MACROD2: variants seen among roughly 807,000 people sequenced by gnomAD.
MACROD2 encodes the protein mono-ADP ribosylhydrolase 2.
Under a neutral mutation model 70.4 loss-of-function variants are expected in MACROD2, and 36 were observed. That is an observed-to-expected ratio of 0.51 (90% confidence interval 0.39 to 0.68). MACROD2 has a LOEUF of 0.68. Among genes scored for constraint, MACROD2 ranks in the 30% least tolerant of loss-of-function variants. The pLI is 0.00. For synonymous variants in MACROD2, 172 were observed against 178.8 expected (o/e 0.96, Z 0.30); for missense variants, 496 against 538.4 (o/e 0.92, Z 0.78).
rs6043180 is a variant in MACROD2 at position 15,297,463 on chromosome 20, A to C, written c.540+67402A>C. ...AAAATCAATAGAGAATTTACTAGCAAAGAGGGCCATACTGGAATGATTTGG... is the reference window on the plus strand; with the variant it reads ...AAAATCAATAGAGAATTTACTAGCACAGAGGGCCATACTGGAATGATTTGG... On this transcript the variant is annotated intron_variant, in intron 6 of 17. Coordinates refer to ENST00000684519, the MANE Select transcript of MACROD2 (RefSeq NM_001351661.2). 2.0e-5 allele frequency among the ~76,000 whole-genome samples: 3 copies of C among 152,090 alleles called. No homozygotes were observed. In the East Asian group the frequency reaches 5.8e-4, roughly 29 times the overall value.
chr20:15,996,613 A>G (rs2066635849), intron 15 of MACROD2, among the ~76,000 whole-genome samples: 2 of 152,142 alleles, frequency 1.3e-5, no homozygotes, highest in African/African-American at 2.4e-5. Context: ...ACCCCTTATC[A>G]TATAAATGGT....
At chr20:15,544,042 G>A (rs2047993467) in intron 8 of MACROD2, among the ~76,000 whole-genome samples, 1 of 152,198 alleles carries the variant, frequency 6.6e-6, no homozygotes, top group Non-Finnish European at 1.5e-5. Context: ...ACACTGTGGG[G>A]AAGTACAGTA....
At chr20:15,386,351 A>C (rs560478994) in intron 6 of MACROD2, among the ~76,000 whole-genome samples, 1 of 152,308 alleles carries the variant, frequency 6.6e-6, no homozygotes, top group South Asian at 2.1e-4. Context: ...TCTGACTTTT[A>C]AAGTTGGGAG....
chr20:15,780,831 A>G (rs1164628693), intron 8 of MACROD2, among the ~76,000 whole-genome samples: 1 of 152,116 alleles, frequency 6.6e-6, no homozygotes, highest in Non-Finnish European at 1.5e-5. Context: ...TGAGGGATTC[A>G]GGACTATGTG....
At chr20:14,020,431 C>T (rs2148623683) in intron 2 of MACROD2, among the ~76,000 whole-genome samples, 1 of 152,300 alleles carries the variant, frequency 6.6e-6, no homozygotes, top group South Asian at 2.1e-4. Flanking sequence ...CGAGATCGCA[C>T]CCTTGCACTC....
intron 3 of MACROD2, among the ~76,000 whole-genome samples, chr20:14,155,488 T>A (rs1159856195): frequency 6.6e-6 from 1 of 152,208 alleles, no homozygotes; most frequent in Non-Finnish European, 1.5e-5. Context: ...TTTCAAAACT[T>A]ACTTTTTTGC....
Position 14,539,469 on chromosome 20 carries a change from G to T in MACROD2, c.301+45961G>T, listed in dbSNP as rs1016068921. 3.9e-5 allele frequency among the ~76,000 whole-genome samples: 6 copies of T among 152,146 alleles called. 1 individual carries two copies. Among genetic ancestry groups the T allele is most frequent in the African/African-American group, 1.2e-4 (5 of 41,424 alleles). On this transcript the variant is annotated intron_variant, in intron 4 of 17. Coordinates refer to ENST00000684519, the MANE Select transcript of MACROD2 (RefSeq NM_001351661.2). ...TTGGGGGAGTGAGGGAAGGACCTGTGTGAAAAGGATTGGATTTGACCATTT... is the reference window on the plus strand; with the variant it reads ...TTGGGGGAGTGAGGGAAGGACCTGTTTGAAAAGGATTGGATTTGACCATTT...
At chr20:14,987,653 T>C (rs2074861580) in intron 5 of MACROD2, among the ~76,000 whole-genome samples, 1 of 152,174 alleles carries the variant, frequency 6.6e-6, no homozygotes, top group South Asian at 2.1e-4. Context: ...GAATATGTTA[T>C]AAAGGAACAA....
At chr20:15,443,853 A>G (rs1300373213) in intron 7 of MACROD2, among the ~76,000 whole-genome samples, 1 of 152,196 alleles carries the variant, frequency 6.6e-6, no homozygotes, top group Non-Finnish European at 1.5e-5. Flanking sequence ...TGAGTCTATG[A>G]CACCCTGGTT....
At chr20:15,865,878 A>T (rs1334134895) in intron 9 of MACROD2, among the ~76,000 whole-genome samples, 1 of 152,134 alleles carries the variant, frequency 6.6e-6, no homozygotes, top group Non-Finnish European at 1.5e-5. Context: ...AGGCTTTCCC[A>T]TGGGGGTTGT....
At chr20:14,890,932 T>C (rs1006755747) in intron 5 of MACROD2, among the ~76,000 whole-genome samples, 2 of 150,572 alleles carry the variant, frequency 1.3e-5, no homozygotes, top group Admixed American at 1.3e-4. Flanking sequence ...ACTGGACAAA[T>C]AGGGATCTTC....
At chr20:16,047,275 A>G (rs1383014729) in intron 17 of MACROD2, among the ~76,000 whole-genome samples, 3 of 152,204 alleles carry the variant, frequency 2.0e-5, no homozygotes, top group African/African-American at 7.2e-5. Flanking sequence ...AATACAGTGA[A>G]ATAGAATTAG....
rs1196777044 is a variant in MACROD2, at chr20:14,792,941, T to C, written c.418+107982T>C. Among the ~76,000 whole-genome samples, 4 of 152,076 alleles carry C rather than the reference T, an allele frequency of 2.6e-5. No individual in the cohort carries two copies. The South Asian group carries it at 6.2e-4, about 24-fold the overall frequency. On this transcript the variant is annotated intron_variant, in intron 5 of 17. Transcript: ENST00000684519. ...CCGAGAAGCTACCAAATAAAAGTTA[T>C]TTTGGATTTTTTTTAAATGTCTAAT...
At chr20:15,743,746 C>T (rs1165727655) in intron 8 of MACROD2, among the ~76,000 whole-genome samples, 1 of 152,168 alleles carries the variant, frequency 6.6e-6, no homozygotes, top group African/African-American at 2.4e-5. Context: ...GAAACCTTCT[C>T]AATAAAGTTC....
intron 4 of MACROD2, among the ~76,000 whole-genome samples, chr20:14,577,518 C>T (rs1980676789): frequency 6.6e-6 from 1 of 152,074 alleles, no homozygotes; most frequent in Admixed American, 6.6e-5. Flanking sequence ...GTGGCTCACG[C>T]CTGTGATCCC....
At chr20:14,019,818 T>C (rs1220044939) in intron 2 of MACROD2, among the ~76,000 whole-genome samples, 1 of 152,162 alleles carries the variant, frequency 6.6e-6, no homozygotes. Flanking sequence ...ATGTTACTTA[T>C]AGGAGTAATT....
intron 4 of MACROD2, among the ~76,000 whole-genome samples, chr20:14,495,996 G>A (rs2084848809): frequency 6.6e-6 from 1 of 152,098 alleles, no homozygotes; most frequent in South Asian, 2.1e-4. Context: ...TCTAAAACAC[G>A]TGTCTGATTT....
At chr20:15,524,494 T>G (rs1387021793) in intron 8 of MACROD2, among the ~76,000 whole-genome samples, 1 of 152,182 alleles carries the variant, frequency 6.6e-6, no homozygotes, top group Non-Finnish European at 1.5e-5. Context: ...TTTTAAACAG[T>G]ACAAACTAAC....
intron 6 of MACROD2, among the ~76,000 whole-genome samples, chr20:15,351,014 T>G (rs1404045925): frequency 4.6e-5 from 7 of 152,080 alleles, no homozygotes; most frequent in African/African-American, 1.7e-4. Flanking sequence ...ACCTGTATGA[T>G]TTAAGTATTT....
Sources: gnomAD v4.1 joint callset for allele counts (sites outside exome capture counted in the v4.1 genomes callset) on GRCh38, gnomAD v4.1.1 for gene constraint, MANE v1.5 for transcripts, NCBI Gene and HGNC (gene_info 2026-07-23, HGNC 2026-07-21) for gene names.